The following CLCN1 variants were observed in gnomAD, a reference collection of about 807,000 sequenced individuals.
The protein encoded by CLCN1 is chloride channel protein 1.
In CLCN1, 100 loss-of-function variants were observed where a neutral mutation model predicts 114.5. That is an observed-to-expected ratio of 0.87 (90% CI 0.74 to 1.03). The LOEUF (loss-of-function observed/expected upper bound fraction) is 1.03. Ranked by LOEUF, CLCN1 falls within the 50% of genes least tolerant of loss-of-function variation. The pLI is 0.00. For synonymous variants in CLCN1, 485 were observed against 487.1 expected (o/e 1.00, Z 0.06); for missense variants, 1,188 against 1,250.0 (o/e 0.95, Z 0.75).
At chr7:143,332,361 G>A in intron 10 of CLCN1, 58 bp from the exon 11 acceptor site, 1 of 1,261,858 alleles carries the variant, frequency 7.9e-7, no homozygotes, top group South Asian at 1.2e-5. Flanking sequence ...CCATCGTTCA[G>A]TATGGTATTT....
Position 143,321,922 on chromosome 7 carries a change from G to T in CLCN1, c.696+74G>T. On this transcript the variant is annotated intron_variant, in intron 5 of 22. Transcript: ENST00000343257. The surrounding 1 kb of genome is among the most constrained non-coding windows in gnomAD (Gnocchi z 4.2). ...CAGGGTGGCACCAACTCTAGAGGGAGCTCTGGGAGTGGAAGTGGATCAGGG... is the reference window on the plus strand; with the variant it reads ...CAGGGTGGCACCAACTCTAGAGGGATCTCTGGGAGTGGAAGTGGATCAGGG... 6.5e-7 allele frequency: 1 copy of T among 1,541,356 alleles called. No homozygotes were observed.
chr7:143,316,860 A>G (rs1346558905), intron 1 of CLCN1, among the ~76,000 whole-genome samples: 5 of 152,260 alleles, frequency 3.3e-5, no homozygotes, highest in Non-Finnish European at 5.9e-5. Flanking sequence ...GGGCAAGTGT[A>G]GAAAACAGAC....
rs1453269866 is a variant in CLCN1 at position 143,319,820 on chromosome 7, A to G, written c.246A>G (p.Thr82=). 2 of 1,613,660 alleles carry G rather than the reference A, an allele frequency of 1.2e-6. No individual in the cohort carries two copies. The highest frequency in any genetic ancestry group is 2.2e-5 in the East Asian group (1 of 44,896). Residue 82 remains threonine (T), a synonymous_variant, in exon 2 of 23, where the codon ACA becomes ACG. Transcript: ENST00000343257. ...REQDIGMPKK[T]GSSSTVDSKD... ...AGGACATAGGGATGCCCAAGAAGACAGGCTCCAGTTCTACCGTGGACAGCA... is the reference window on the plus strand; with the variant it reads ...AGGACATAGGGATGCCCAAGAAGACGGGCTCCAGTTCTACCGTGGACAGCA...
At position 143,337,897 on chromosome 7, in the gene CLCN1, GCTCA is replaced by G. The variant is rs1182521084; in HGVS notation, c.1402-1353_1402-1350del. ...GCTGGAGGGCAGTGGCATGATCTCA[GCTCA>G]CTGCAAGCTCCAACTCCCGGGTTCA... On this transcript the variant is annotated intron_variant, in intron 12 of 22. Transcript: ENST00000343257. Among the ~76,000 whole-genome samples the G allele has an allele frequency of 5.6e-5, 7 of 125,642 alleles. No homozygotes were observed. In the East Asian group the frequency reaches 1.6e-3, roughly 29 times the overall value. 82.4% of individuals were successfully genotyped at this position (125,642 alleles called of 152,430 possible).
chr7:143,345,587 G>T lies in CLCN1; in HGVS notation c.1997G>T (p.Cys666Phe). The T allele has an allele frequency of 6.4e-7, 1 of 1,551,554 alleles. No individual in the cohort carries two copies. Among genetic ancestry groups the T allele is most frequent in the African/African-American group, 1.4e-5 (1 of 73,220 alleles). The change falls in exon 17 of 23, where the codon TGT becomes TTT. Residue 666 changes from cysteine (C) to phenylalanine (F), a missense_variant. Cys to Phe is a radical substitution (Grantham distance 205). Coordinates refer to ENST00000343257, the MANE Select transcript of CLCN1 (RefSeq NM_000083.3). The stretch of plus-strand genomic sequence containing the variant: ...CAGGCCCTCCTGCAGCGCCACCTGT[G>T]TCCTGAGCGCAGGCTGCGCGCAGCC... The part of the protein sequence containing the change: ...ELQALLQRHL[C>F]PERRLRAAQE...
intron 17 of CLCN1, 119 bp from the exon 18 acceptor site, chr7:143,346,021 T>A: frequency 1.2e-6 from 1 of 842,020 alleles, no homozygotes. Context: ...GATATAGGAA[T>A]TTCTGAACTG....
At position 143,345,815 on chromosome 7, in the gene CLCN1, A is replaced by G. The variant is rs1803227106; in HGVS notation, c.2172+53A>G. ...TGGGATAGATCAGGAGCAAAGGGAA[A>G]AGCGTCGTCTGGGCTGGGCTGGGCT... On this transcript the variant is annotated intron_variant, in intron 17 of 22. Coordinates refer to ENST00000343257, the MANE Select transcript of CLCN1 (RefSeq NM_000083.3). The G allele has an allele frequency of 1.9e-6, 3 of 1,585,972 alleles. No homozygotes were observed. The South Asian group carries it at 3.4e-5, about 18-fold the overall frequency.
At position 143,321,479 on chromosome 7, in the gene CLCN1, C is replaced by T. The variant is rs1802431625; in HGVS notation, c.548C>T (p.Ser183Phe). The change falls in exon 4 of 23, where the codon TCT becomes TTT. Residue 183 changes from serine to phenylalanine, a missense_variant. Ser to Phe is a radical substitution (Grantham distance 155). Transcript: ENST00000343257. The surrounding 1 kb of genome is among the most constrained non-coding windows in gnomAD (Gnocchi z 4.2). ...AGCGCCCTCTTCTGCCACCTCATCT[C>T]TCCCCAGGCTGTTGGTGAGAACTTG... ...LFSALFCHLI[S>F]PQAVGSGIPE... The T allele has an allele frequency of 6.2e-7, 1 of 1,614,010 alleles. No individual in the cohort carries two copies. Among genetic ancestry groups the T allele is most frequent in the Non-Finnish European group, 8.5e-7 (1 of 1,180,040 alleles).
rs201505492 is a variant in CLCN1, at chr7:143,346,123, C to T, written c.2173-17C>T. On this transcript the variant is annotated splice_polypyrimidine_tract_variant and intron_variant, in intron 17 of 22. Transcript: ENST00000343257. ...AGTCTCTGCTCCCAGGCTGAGACTT[C>T]TTACTCTTCCTTACAGCTTCCTCCT... The T allele has an allele frequency of 8.6e-6, 13 of 1,520,322 alleles. No homozygotes were observed. In the East Asian group the frequency reaches 2.7e-4, roughly 32 times the overall value. 94.2% of individuals were successfully genotyped at this position (1,520,322 alleles called of 1,614,324 possible).
intron 12 of CLCN1, among the ~76,000 whole-genome samples, chr7:143,336,353 T>A (rs1376238258): frequency 6.7e-5 from 10 of 149,540 alleles, no homozygotes; most frequent in African/African-American, 2.5e-4. Context: ...AAGCTGGGTG[T>A]AATCCCAGCA....
rs745462137 is a variant in CLCN1 at position 143,323,617 on chromosome 7, C to T, written c.774+231C>T. Reference sequence around the variant, plus strand: ...TGTCCACCCCTCTTTCACCTGTGGCCCCACATGGAGGTCTGGTCTGTCGTC... The same window carrying T: ...TGTCCACCCCTCTTTCACCTGTGGCTCCACATGGAGGTCTGGTCTGTCGTC... On this transcript the variant is annotated intron_variant, in intron 6 of 22. Coordinates refer to ENST00000343257, the MANE Select transcript of CLCN1 (RefSeq NM_000083.3). The T allele has an allele frequency of 3.7e-4, 246 of 669,134 alleles. 1 individual carries two copies. Among genetic ancestry groups the T allele is most frequent in the Admixed American group, 1.0e-4 (5 of 48,382 alleles). 41.4% of individuals were successfully genotyped at this position (669,134 alleles called of 1,614,324 possible). A position where few individuals can be genotyped will look rare whatever the true frequency, so the allele number is the denominator to read the frequency against.
chr7:143,342,571 G>A (rs1185799931), intron 16 of CLCN1, 66 bp downstream of exon 16: 15 of 1,564,030 alleles, frequency 9.6e-6, no homozygotes, highest in Non-Finnish European at 1.3e-5. Flanking sequence ...TAGAGGTAGA[G>A]GAGGCCCCAT....
rs1803423784 is a variant in CLCN1, at chr7:143,351,920, C to G, written c.2922C>G (p.Ser974Arg). ...TGGCCGACATCTTGCAGGGCCCCAG[C>G]CTGCGATCCACAGACGAGGAGGATG... ...EELADILQGP[S>R]LRSTDEEDED... The change falls in exon 23 of 23, where the codon AGC (serine) becomes AGG (arginine). Residue 974 changes from serine to arginine, a missense_variant. Coordinates refer to ENST00000343257, the MANE Select transcript of CLCN1 (RefSeq NM_000083.3). The G allele has an allele frequency of 6.2e-7, 1 of 1,613,576 alleles. No homozygotes were observed. Among genetic ancestry groups the G allele is most frequent in the African/African-American group, 1.3e-5 (1 of 74,880 alleles).
In CLCN1 at chr7:143,346,837, A is replaced by G. The variant is rs370770384; in HGVS notation, c.2365-74A>G. On this transcript the variant is annotated intron_variant, in intron 19 of 22. Transcript: ENST00000343257. ...TGGTCCTGGCCAGGGAGGGATGGCT[A>G]TTGTTTCATTGGGAGCCATAGCTAC... The G allele has an allele frequency of 6.1e-5, 88 of 1,438,124 alleles. No individual in the cohort carries two copies. In the Middle Eastern group the frequency reaches 1.0e-3, roughly 17 times the overall value. 89.1% of individuals were successfully genotyped at this position (1,438,124 alleles called of 1,614,324 possible).
intron 12 of CLCN1, among the ~76,000 whole-genome samples, chr7:143,336,335 A>G (rs1284743447): frequency 2.6e-5 from 4 of 151,922 alleles, no homozygotes; most frequent in African/African-American, 9.7e-5. Context: ...CTGAAGAAAA[A>G]AAAAAAAAAG....
chr7:143,334,035 GA>G (rs1050165519), intron 12 of CLCN1, among the ~76,000 whole-genome samples: 3 of 152,134 alleles, frequency 2.0e-5, no homozygotes, highest in Non-Finnish European at 4.4e-5. Flanking sequence ...CCAACATGGT[GA>G]AACCCTGTCT....
Position 143,346,569 on chromosome 7 carries a change from G to A in CLCN1, c.2285-10G>A, listed in dbSNP as rs367721632. ...TGTGTCCATTTCCATCCACTCACCT[G>A]TCCTCTCAGGTCAAAGACCCTCCAT... On this transcript the variant is annotated splice_polypyrimidine_tract_variant and intron_variant, in intron 18 of 22. Transcript: ENST00000343257. The A allele has an allele frequency of 1.2e-5, 19 of 1,608,388 alleles. No homozygotes were observed. In the African/African-American group the frequency reaches 1.9e-4, roughly 16 times the overall value.
At chr7:143,345,382 A>C (rs554664250) in intron 16 of CLCN1, 139 bp from the exon 17 acceptor site, 2 of 1,150,114 alleles carry the variant, frequency 1.7e-6, no homozygotes, top group Admixed American at 5.9e-5. Flanking sequence ...GATTCTTAAA[A>C]TGAGTTTCCA....
chr7:143,324,820 A>G lies in CLCN1; in HGVS notation c.853+328A>G, dbSNP rs1802536768. On this transcript the variant is annotated intron_variant, in intron 7 of 22. Coordinates refer to ENST00000343257, the MANE Select transcript of CLCN1 (RefSeq NM_000083.3). This position sits in a 1 kb window ranked among gnomAD's most constrained non-coding sequence, Gnocchi z 4.6. Reference sequence around the variant, plus strand: ...TCCGTGGCTCCCCTACTTATTTTCAAACCTGTTTGTATTGTTGGATGTTTT... The same window carrying G: ...TCCGTGGCTCCCCTACTTATTTTCAGACCTGTTTGTATTGTTGGATGTTTT... Among the ~76,000 whole-genome samples, 1 of 152,250 alleles carries G rather than the reference A, an allele frequency of 6.6e-6. No individual in the cohort carries two copies. Among genetic ancestry groups the G allele is most frequent in the Admixed American group, 6.5e-5 (1 of 15,288 alleles).
Sources: allele counts gnomAD v4.1 joint callset (sites outside exome capture counted in the v4.1 genomes callset), GRCh38; gene constraint gnomAD v4.1.1; non-coding constraint Gnocchi (gnomAD v3.1); transcripts MANE v1.5; gene names NCBI Gene and HGNC (gene_info 2026-07-23, HGNC 2026-07-21).